Variants in OR9Q1 observed in about 807,000 individuals in gnomAD.
The protein encoded by OR9Q1 is olfactory receptor 9Q1.
For synonymous variants in OR9Q1, 153 were observed against 148.6 expected, an observed-to-expected ratio of 1.03 and a Z score of -0.22; for missense variants, 374 against 378.8, an observed-to-expected ratio of 0.99 and a Z score of 0.11.
At chr11:58,075,863 A>G (rs1449295953) in intron 2 of OR9Q1, among the ~76,000 whole-genome samples, 2 of 152,230 alleles carry the variant, frequency 1.3e-5, no homozygotes, top group Non-Finnish European at 2.9e-5. Context: ...TCTTTTAATA[A>G]TTATGATTAC....
At chr11:58,072,569 TCTG>T (rs1329452624) in intron 2 of OR9Q1, 1 of 154,338 alleles carries the variant, frequency 6.5e-6, no homozygotes, top group Admixed American at 6.5e-5. Flanking sequence ...CTGAAAAGCT[TCTG>T]CTTACAGTTG....
chr11:58,113,516 C>T (rs887503116), intron 2 of OR9Q1, among the ~76,000 whole-genome samples: 2 of 152,190 alleles, frequency 1.3e-5, no homozygotes, highest in African/African-American at 4.8e-5. Flanking sequence ...ACAACCATTT[C>T]CACATTATCT....
intron 2 of OR9Q1, among the ~76,000 whole-genome samples, chr11:58,168,798 G>A (rs1854529154): frequency 6.6e-6 from 1 of 151,950 alleles, no homozygotes; most frequent in Non-Finnish European, 1.5e-5. Flanking sequence ...AGTCCATATT[G>A]TCTAATACAT....
At chr11:58,079,246 CTT>C (rs111619553) in intron 2 of OR9Q1, among the ~76,000 whole-genome samples, 16 of 143,780 alleles carry the variant, frequency 1.1e-4, no homozygotes, top group Non-Finnish European at 1.2e-4. Flanking sequence ...AGTTCTGAGT[CTT>C]TTTTTTTTTT....
chr11:58,139,379 C>T (rs1854221085), intron 2 of OR9Q1, among the ~76,000 whole-genome samples: 2 of 151,920 alleles, frequency 1.3e-5, no homozygotes, highest in East Asian at 1.9e-4. Flanking sequence ...GTGTGCTGCA[C>T]CCATTAACTC....
intron 2 of OR9Q1, chr11:58,119,223 G>A (rs1456408853): frequency 1.9e-5 from 30 of 1,613,640 alleles, no homozygotes; most frequent in Non-Finnish European, 2.5e-5. Flanking sequence ...TGATGACTGA[G>A]GTGTAACAGG....
chr11:58,111,912 G>C (rs552785686), intron 2 of OR9Q1, among the ~76,000 whole-genome samples: 14 of 152,140 alleles, frequency 9.2e-5, no homozygotes, highest in South Asian at 8.3e-4. Context: ...AAATTTTGAG[G>C]TATGTAATCT....
At chr11:58,106,206 A>G (rs762564639) in intron 2 of OR9Q1, among the ~76,000 whole-genome samples, 26 of 148,250 alleles carry the variant, frequency 1.8e-4, no homozygotes, top group Non-Finnish European at 2.5e-4. Flanking sequence ...GTGAAGTGGT[A>G]TCTCATTGTA....
At chr11:58,112,366 G>A (rs1050089907) in intron 2 of OR9Q1, among the ~76,000 whole-genome samples, 7 of 152,118 alleles carry the variant, frequency 4.6e-5, no homozygotes, top group Non-Finnish European at 8.8e-5. Context: ...TTCAATATGG[G>A]AACTAAATAA....
intron 2 of OR9Q1, among the ~76,000 whole-genome samples, chr11:58,151,171 C>T (rs1854347770): frequency 6.6e-6 from 1 of 152,152 alleles, no homozygotes; most frequent in Non-Finnish European, 1.5e-5. Context: ...GTTGAAAAGG[C>T]ACTCAACTAA....
intron 1 of OR9Q1, chr11:58,026,881 A>G (rs1189047753): frequency 6.6e-6 from 1 of 152,110 alleles, no homozygotes; most frequent in African/African-American, 2.4e-5. Context: ...GAGACATTTA[A>G]AAATTATTTT....
intron 2 of OR9Q1, among the ~76,000 whole-genome samples, chr11:58,077,021 A>C (rs564356634): frequency 3.3e-5 from 5 of 152,182 alleles, no homozygotes; most frequent in Non-Finnish European, 7.4e-5. Context: ...AGGGAAAAAC[A>C]GTAGTTCTGG....
intron 1 of OR9Q1, among the ~76,000 whole-genome samples, chr11:58,033,913 A>G (rs565356276): frequency 3.3e-5 from 5 of 152,132 alleles, no homozygotes; most frequent in African/African-American, 1.2e-4. Flanking sequence ...TAAAGAATGA[A>G]GGAGATTTTC....
intron 2 of OR9Q1, among the ~76,000 whole-genome samples, chr11:58,137,443 A>G (rs1019364741): frequency 1.3e-5 from 2 of 152,202 alleles, no homozygotes; most frequent in Non-Finnish European, 2.9e-5. Flanking sequence ...AATAAAAATG[A>G]TGCTACAAAG....
chr11:58,056,336 G>T (rs942017275), intron 2 of OR9Q1, among the ~76,000 whole-genome samples: 1 of 152,116 alleles, frequency 6.6e-6, no homozygotes, highest in African/African-American at 2.4e-5. Flanking sequence ...ATGCTATTAA[G>T]AGGCAGCTGT....
intron 1 of OR9Q1, chr11:58,045,416 T>G (rs1173046741): frequency 6.6e-6 from 1 of 152,136 alleles, no homozygotes; most frequent in Admixed American, 6.5e-5. Context: ...GTATTTTTAG[T>G]AGAGACAGGG....
At chr11:58,109,033 T>C (rs1237664316) in intron 2 of OR9Q1, 1 of 455,282 alleles carries the variant, frequency 2.2e-6, no homozygotes, top group African/African-American at 2.0e-5. Context: ...AACCATGACA[T>C]TGGCTAGGAA....
chr11:58,104,391 C>T (rs923268675), intron 2 of OR9Q1, among the ~76,000 whole-genome samples: 3 of 150,624 alleles, frequency 2.0e-5, no homozygotes, highest in African/African-American at 4.9e-5. Context: ...GAACAGAAGT[C>T]TTCATTCCCT....
Position 58,168,510 on chromosome 11 carries a change from A to C in OR9Q1, c.-14-10921A>C, listed in dbSNP as rs112653120. ...TTTTTTTGTTGATCTGGTATGGGTG[A>C]AGCATTCCTTCTCATAATTTAAAAT... On this transcript the variant is annotated intron_variant, in intron 2 of 2. Coordinates refer to ENST00000335397, the MANE Select transcript of OR9Q1 (RefSeq NM_001005212.4). 8.4e-3 allele frequency among the ~76,000 whole-genome samples: 1,276 copies of C among 152,258 alleles called. 22 individuals are homozygous for C. The highest frequency in any genetic ancestry group is 0.03 in the African/African-American group (1,230 of 41,544).
Sources: allele counts gnomAD v4.1 joint callset (sites outside exome capture counted in the v4.1 genomes callset), GRCh38; gene constraint gnomAD v4.1.1; transcripts MANE v1.5; gene names NCBI Gene and HGNC (gene_info 2026-07-23, HGNC 2026-07-21).